The following TGFBR3 variants were observed in gnomAD, a reference collection of about 807,000 sequenced individuals.
TGFBR3 encodes the protein transforming growth factor beta receptor type 3.
A neutral mutation model predicts 87.9 loss-of-function variants in TGFBR3; 46 were observed. That is an observed-to-expected ratio of 0.52 (90% confidence interval 0.41 to 0.67). The LOEUF (loss-of-function observed/expected upper bound fraction) is 0.67. TGFBR3 is among the 30% of genes least tolerant of loss of function. The pLI, the probability that TGFBR3 is intolerant of heterozygous loss-of-function variation, is 0.00. For missense variants in TGFBR3, 866 were observed against 1,041.9 expected (o/e 0.83, Z 2.32); for synonymous variants, 381 against 391.6 (o/e 0.97, Z 0.32).
At chr1:91,758,280 G>T (rs553664040) in intron 4 of TGFBR3, among the ~76,000 whole-genome samples, 1 of 152,224 alleles carries the variant, frequency 6.6e-6, no homozygotes, top group African/African-American at 2.4e-5. Context: ...CCGGTAGCCA[G>T]TTACAATATT....
Position 91,683,053 on chromosome 1 carries a change from A to T in TGFBR3, c.*686T>A. On this transcript the variant is annotated 3_prime_UTR_variant, in exon 17 of 17. Coordinates refer to ENST00000212355, the MANE Select transcript of TGFBR3 (RefSeq NM_003243.5). ...ACATTTTGCAGTGGTGTATGCAAGT[A>T]TGGGAAGAAACAGGAAGCTGATAAG... 2.2e-6 allele frequency: 1 copy of T among 454,552 alleles called. No individual in the cohort carries two copies. The highest frequency in any genetic ancestry group is 1.6e-5 in the South Asian group (1 of 64,468). 28.2% of individuals were successfully genotyped at this position (454,552 alleles called of 1,614,324 possible). A position where few individuals can be genotyped will look rare whatever the true frequency, so the allele number is the denominator to read the frequency against.
intron 1 of TGFBR3, among the ~76,000 whole-genome samples, chr1:91,872,262 G>A (rs752832428): frequency 1.3e-5 from 2 of 152,068 alleles, no homozygotes; most frequent in Non-Finnish European, 2.9e-5. Context: ...CTACCCATAA[G>A]AGTCTGACAC....
At chr1:91,887,288 C>T (rs1235005673), upstream of TGFBR3, among the ~76,000 whole-genome samples, 1 of 133,586 alleles carries the variant, frequency 7.5e-6, no homozygotes, top group African/African-American at 2.9e-5. Flanking sequence ...CCCTGTCGCC[C>T]AGGCTGGAGT....
chr1:91,903,338 CAAAAAAAA>C (rs58672104), intron 1 of TGFBR3, among the ~76,000 whole-genome samples: 30 of 50,506 alleles, frequency 5.9e-4, no homozygotes, highest in South Asian at 1.9e-3. Flanking sequence ...GATTCTGCCT[CAAAAAAAA>C]AAAAAAAAAA....
intron 16 of TGFBR3, among the ~76,000 whole-genome samples, chr1:91,687,806 T>C (rs1671139991): frequency 6.6e-6 from 1 of 152,194 alleles, no homozygotes; most frequent in African/African-American, 2.4e-5. Context: ...TGGAATCTCC[T>C]TCTCAGGAGA....
At chr1:91,891,086 T>A (rs1349792556), upstream of TGFBR3, among the ~76,000 whole-genome samples, 1 of 150,964 alleles carries the variant, frequency 6.6e-6, no homozygotes, top group African/African-American at 2.4e-5. Flanking sequence ...TTAGTAGAGA[T>A]GGGGTTTCAC....
intron 2 of TGFBR3, among the ~76,000 whole-genome samples, chr1:91,833,120 C>A (rs1370773385): frequency 6.6e-6 from 1 of 151,028 alleles, no homozygotes; most frequent in Non-Finnish European, 1.5e-5. Flanking sequence ...CATAGCGAAA[C>A]CCCGTCTCTA....
intron 2 of TGFBR3, among the ~76,000 whole-genome samples, chr1:91,803,573 C>T (rs537899133): frequency 7.5e-4 from 114 of 151,630 alleles, no homozygotes; most frequent in Non-Finnish European, 1.3e-3. Context: ...AATGTAAACT[C>T]TTTTTTTTAT....
At chr1:91,804,026 A>G (rs1675742668) in intron 2 of TGFBR3, among the ~76,000 whole-genome samples, 1 of 152,212 alleles carries the variant, frequency 6.6e-6, no homozygotes, top group Non-Finnish European at 1.5e-5. Flanking sequence ...TATCTGGCAC[A>G]AAACAGACAC....
intron 3 of TGFBR3, among the ~76,000 whole-genome samples, chr1:91,765,157 C>T (rs375630742): frequency 1.3e-5 from 2 of 151,438 alleles, no homozygotes; most frequent in African/African-American, 4.9e-5. Context: ...AAAGATCGGA[C>T]GCCCTGGTTT....
chr1:91,859,459 C>T (rs1052296288), intron 2 of TGFBR3, among the ~76,000 whole-genome samples: 1 of 151,678 alleles, frequency 6.6e-6, no homozygotes, highest in Non-Finnish European at 1.5e-5. Context: ...TACTACTTTT[C>T]GATGAGATTT....
intron 1 of TGFBR3, among the ~76,000 whole-genome samples, chr1:91,872,056 C>G (rs1017634616): frequency 1.3e-5 from 2 of 152,112 alleles, no homozygotes; most frequent in Non-Finnish European, 2.9e-5. Flanking sequence ...AATGTGATAC[C>G]TTTGAATCCC....
At position 91,689,068 on chromosome 1, in the gene TGFBR3, G is replaced by A. The variant is rs3767584; in HGVS notation, c.2438-5211C>T. Among the ~76,000 whole-genome samples, 98 of 152,204 alleles carry A rather than the reference G, an allele frequency of 6.4e-4. No homozygotes were observed. The East Asian group carries it at 0.014, about 22-fold the overall frequency. On this transcript the variant is annotated intron_variant, in intron 16 of 16. Transcript: ENST00000212355. ...CACAGAGGTTAAGATGAATGCCTTC[G>A]GCTTTCCTGGTGTCTATTGGTGTGT...
At chr1:91,901,675 G>A (rs1161812046) in intron 1 of TGFBR3, among the ~76,000 whole-genome samples, 3 of 152,012 alleles carry the variant, frequency 2.0e-5, no homozygotes, top group Admixed American at 6.6e-5. Flanking sequence ...AGCACTTTGG[G>A]AGACAGAGGT....
At chr1:91,904,942 C>T (rs190066979) in intron 1 of TGFBR3, among the ~76,000 whole-genome samples, 5 of 152,184 alleles carry the variant, frequency 3.3e-5, no homozygotes, top group South Asian at 4.2e-4. Context: ...CCTCGTGATC[C>T]GCCCGCTTTG....
chr1:91,796,502 G>T (rs1296005740), intron 3 of TGFBR3, among the ~76,000 whole-genome samples: 1 of 152,166 alleles, frequency 6.6e-6, no homozygotes, highest in Non-Finnish European at 1.5e-5. Context: ...TAGTGATAAG[G>T]AGCTATGCTC....
In TGFBR3 at chr1:91,878,791, T is replaced by C. The variant is rs148472369; in HGVS notation, c.-114+7087A>G. Among the ~76,000 whole-genome samples, 12 of 152,302 alleles carry C rather than the reference T, an allele frequency of 7.9e-5. No individual in the cohort carries two copies. In the East Asian group the frequency reaches 2.3e-3, roughly 29 times the overall value. On this transcript the variant is annotated intron_variant, in intron 1 of 16. Transcript: ENST00000212355. ...TTCGGCATATACCAGAGAAATGAAT[T>C]ATGTGCCTGGAAGGACAGAAAAGCA...
chr1:91,824,660 G>A (rs1676565852), intron 2 of TGFBR3, among the ~76,000 whole-genome samples: 1 of 152,128 alleles, frequency 6.6e-6, no homozygotes, highest in Non-Finnish European at 1.5e-5. Flanking sequence ...TTGTTGCTGG[G>A]AGTATAAAAT....
intron 2 of TGFBR3, among the ~76,000 whole-genome samples, chr1:91,897,617 G>A (rs1373669283): frequency 6.6e-6 from 1 of 152,084 alleles, no homozygotes; most frequent in African/African-American, 2.4e-5. Context: ...TTATTTTTAG[G>A]CTGGCTTAGT....
Sources: gnomAD v4.1 joint callset for allele counts (sites outside exome capture counted in the v4.1 genomes callset) on GRCh38, gnomAD v4.1.1 for gene constraint, MANE v1.5 for transcripts, NCBI Gene and HGNC (gene_info 2026-07-23, HGNC 2026-07-21) for gene names.